Variants in NUSAP1 observed in about 807,000 individuals in gnomAD.
NUSAP1 encodes nucleolar and spindle associated protein 1, also known as nucleolar and spindle-associated protein 1.
A neutral mutation model predicts 52.8 loss-of-function variants in NUSAP1; 32 were observed. The ratio of observed to expected loss-of-function variants is 0.61; its 90% CI spans 0.46 to 0.81. NUSAP1 has a LOEUF of 0.81. Among genes scored for constraint, NUSAP1 ranks in the 40% least tolerant of loss-of-function variants. The probability of loss-of-function intolerance (pLI) is 0.00; values close to 1 mark genes in which losing one functional copy is unlikely to be tolerated. For synonymous variants in NUSAP1, 195 were observed against 183.1 expected (o/e 1.06, Z -0.52); for missense variants, 499 against 522.3 (o/e 0.96, Z 0.43).
At position 41,371,609 on chromosome 15, in the gene NUSAP1, T is replaced by C. The variant is rs776320274; in HGVS notation, c.931T>C (p.Ser311Pro). Reference sequence around the variant, plus strand: ...CAGAAAGTCTGCACATGTGACCGTGTCTGGGGGCACCCCAAAAGGCGAGGC... The same window carrying C: ...CAGAAAGTCTGCACATGTGACCGTGCCTGGGGGCACCCCAAAAGGCGAGGC... The part of the protein sequence containing the change: ...PARKSAHVTV[S>P]GGTPKGEAVL... The change falls in exon 8 of 11, where the codon TCT becomes CCT. Residue 311 changes from serine (S) to proline (P), a missense_variant. Physicochemically the swap from Ser to Pro is moderately conservative, Grantham distance 74 (BLOSUM62 -1). Coordinates refer to ENST00000559596, the MANE Select transcript of NUSAP1 (RefSeq NM_016359.5). The C allele has an allele frequency of 6.2e-6, 10 of 1,612,244 alleles. No homozygotes were observed. The highest frequency in any genetic ancestry group is 8.5e-6 in the Non-Finnish European group (10 of 1,179,446).
intron 1 of NUSAP1, among the ~76,000 whole-genome samples, chr15:41,341,201 G>C (rs1232287476): frequency 2.0e-5 from 3 of 152,226 alleles, no homozygotes; most frequent in Middle Eastern, 3.4e-3. Context: ...AAGTAGCTGG[G>C]ACTACAGGCA....
rs1240573789 is a variant in NUSAP1, at chr15:41,380,084, C to A, written c.1233-9C>A. ...CCCTAGAGCTTAATGTGTGACCTAT[C>A]CCTCTCAGGGAAGAGCAACGGAAGA... On this transcript the variant is annotated splice_polypyrimidine_tract_variant and intron_variant, in intron 10 of 10. Transcript: ENST00000559596. 1.3e-6 allele frequency: 2 copies of A among 1,566,032 alleles called. No homozygotes were observed. Among genetic ancestry groups the A allele is most frequent in the Non-Finnish European group, 8.7e-7 (1 of 1,154,618 alleles).
intron 1 of NUSAP1, among the ~76,000 whole-genome samples, chr15:41,335,342 A>C (rs2048078881): frequency 6.9e-6 from 1 of 144,392 alleles, no homozygotes; most frequent in Admixed American, 7.2e-5. Context: ...GATACTAAAT[A>C]TACTAAATAC....
chr15:41,360,506 C>A (rs1187673704), intron 6 of NUSAP1, among the ~76,000 whole-genome samples: 10 of 151,972 alleles, frequency 6.6e-5, no homozygotes, highest in Non-Finnish European at 1.5e-4. Flanking sequence ...TTAGTAGAGA[C>A]GGGGTTTCAC....
chr15:41,368,171 T>C (rs2049499821), intron 7 of NUSAP1, among the ~76,000 whole-genome samples: 1 of 152,164 alleles, frequency 6.6e-6, no homozygotes, highest in South Asian at 2.1e-4. Flanking sequence ...CTCTGAAATA[T>C]GTGTTCTTTT....
intron 1 of NUSAP1, among the ~76,000 whole-genome samples, chr15:41,335,579 A>G (rs1430847198): frequency 7.2e-6 from 1 of 138,366 alleles, no homozygotes; most frequent in Non-Finnish European, 1.5e-5. Context: ...TACTAAATAT[A>G]TTATACTATA....
At chr15:41,343,303 G>C (rs1247348710) in intron 2 of NUSAP1, 2 of 152,182 alleles carry the variant, frequency 1.3e-5, no homozygotes, top group Non-Finnish European at 2.9e-5. Context: ...GATAAGGCAT[G>C]ACTCCTAAAC....
chr15:41,358,219 GA>G lies in NUSAP1; in HGVS notation c.624del (p.Lys208AsnfsTer9). 1 of 1,564,868 alleles carries G rather than the reference GA, an allele frequency of 6.4e-7. No individual in the cohort carries two copies. The highest frequency in any genetic ancestry group is 8.8e-7 in the Non-Finnish European group (1 of 1,140,870). ...TTGATCAATATATTGAGAGAAAAAA[GA>G]AACATTTTGAAGAACACAATTCCAT... is the stretch of plus-strand genomic sequence containing the variant. ...SIDQYIERKK[K>X]HFEEHNSMNE... On this transcript the variant is annotated frameshift_variant, in exon 6 of 11. Coordinates refer to ENST00000559596, the MANE Select transcript of NUSAP1 (RefSeq NM_016359.5). LOFTEE classifies it high-confidence loss of function.
intron 1 of NUSAP1, among the ~76,000 whole-genome samples, chr15:41,336,086 C>G (rs951671131): frequency 1.3e-5 from 2 of 150,668 alleles, no homozygotes; most frequent in Non-Finnish European, 2.9e-5. Context: ...ATGGCAAAAC[C>G]CCATCTATAC....
In NUSAP1 at chr15:41,380,293, C is replaced by T; in HGVS notation, c.*107C>T. On this transcript the variant is annotated 3_prime_UTR_variant, in exon 11 of 11. Transcript: ENST00000559596. ...ACTTTAGTCACGAGATCTTTTTCTG[C>T]TAACTGTTCATAGTCTGTGTAGTGT... 1.1e-5 allele frequency: 8 copies of T among 706,972 alleles called. No individual in the cohort carries two copies. Among genetic ancestry groups the T allele is most frequent in the Non-Finnish European group, 1.7e-5 (7 of 414,618 alleles). 43.8% of individuals were successfully genotyped at this position (706,972 alleles called of 1,614,324 possible). A position where few individuals can be genotyped will look rare whatever the true frequency, so the allele number is the denominator to read the frequency against.
At chr15:41,377,743 G>C (rs1353114547) in intron 10 of NUSAP1, among the ~76,000 whole-genome samples, 1 of 148,124 alleles carries the variant, frequency 6.8e-6, no homozygotes, top group South Asian at 2.1e-4. Context: ...GGTGGCTCAC[G>C]CCTGTAATCC....
At chr15:41,333,571 T>G (rs1034870572) in intron 1 of NUSAP1, among the ~76,000 whole-genome samples, 2 of 152,180 alleles carry the variant, frequency 1.3e-5, no homozygotes, top group African/African-American at 4.8e-5. Flanking sequence ...TGATGACTGT[T>G]GGGTTGATGG....
At chr15:41,336,586 C>G (rs1221742611) in intron 1 of NUSAP1, among the ~76,000 whole-genome samples, 1 of 150,694 alleles carries the variant, frequency 6.6e-6, no homozygotes, top group Non-Finnish European at 1.5e-5. Context: ...CTTTGTTGAG[C>G]GAACTTATTT....
rs771583529 is a variant in NUSAP1, at chr15:41,371,667, C to G, written c.989C>G (p.Thr330Arg). Residue 330 changes from threonine to arginine, a missense_variant, in exon 8 of 11, where the codon ACG (threonine) becomes AGG (arginine). Transcript: ENST00000559596. Reference protein sequence around the residue: ...VLGTHKLKTITGNSAAVITPF... With the variant: ...VLGTHKLKTIRGNSAAVITPF... ...GGGACACACAAATTAAAGACCATCA[C>G]GGGGAATTCTGCTGCTGGTAAAAAA... 1.3e-6 allele frequency: 2 copies of G among 1,579,798 alleles called. No homozygotes were observed. The highest frequency in any genetic ancestry group is 2.8e-5 in the African/African-American group (2 of 72,018).
At chr15:41,342,292 G>C in intron 1 of NUSAP1, 94 bp from the exon 2 acceptor site, 1 of 798,668 alleles carries the variant, frequency 1.3e-6, no homozygotes, top group Non-Finnish European at 2.1e-6. Context: ...TCTGACCAGA[G>C]TACATTTAAT....
intron 4 of NUSAP1, among the ~76,000 whole-genome samples, chr15:41,353,030 G>A (rs140815826): frequency 6.9e-4 from 105 of 152,240 alleles, no homozygotes; most frequent in African/African-American, 2.4e-3. Flanking sequence ...GGCTAGTCAC[G>A]TTAACTTCCA....
intron 9 of NUSAP1, 30 bp downstream of exon 9, chr15:41,375,858 C>T: frequency 7.0e-7 from 1 of 1,430,750 alleles, no homozygotes. Context: ...GCTACAGGGC[C>T]TGTAAAATAC....
intron 7 of NUSAP1, among the ~76,000 whole-genome samples, chr15:41,368,801 C>T (rs951472095): frequency 3.7e-5 from 5 of 133,864 alleles, no homozygotes; most frequent in African/African-American, 1.2e-4. Context: ...GGCGCAATCT[C>T]GGCTCACTAC....
At chr15:41,367,890 C>T (rs919913676) in intron 7 of NUSAP1, among the ~76,000 whole-genome samples, 1 of 152,106 alleles carries the variant, frequency 6.6e-6, no homozygotes, top group Non-Finnish European at 1.5e-5. Flanking sequence ...CATCTCCACT[C>T]CCCTGATGCA....
Sources: allele counts gnomAD v4.1 joint callset (sites outside exome capture counted in the v4.1 genomes callset), GRCh38; gene constraint gnomAD v4.1.1; transcripts MANE v1.5; gene names NCBI Gene and HGNC (gene_info 2026-07-23, HGNC 2026-07-21).